The following DGKK variants were observed in gnomAD, a reference collection of about 807,000 sequenced individuals.
DGKK encodes diacylglycerol kinase kappa, also known as 142 kDa diacylglycerol kinase.
DGKK carries 35 observed loss-of-function variants against 92.2 expected under a neutral mutation model. The ratio of observed to expected loss-of-function variants is 0.38; its 90% CI spans 0.29 to 0.50. The LOEUF is 0.50. DGKK is among the 20% of genes least tolerant of loss of function. The probability of loss-of-function intolerance (pLI) is 0.92; values close to 1 mark genes in which losing one functional copy is unlikely to be tolerated. For synonymous variants in DGKK, 368 were observed against 360.6 expected, an observed-to-expected ratio of 1.02 and a Z score of -0.23; for missense variants, 910 against 992.2, an observed-to-expected ratio of 0.92 and a Z score of 1.11.
chrX:50,409,065 C>A (rs1480180078), intron 4 of DGKK, among the ~76,000 whole-genome samples: 3 of 111,178 alleles, frequency 2.7e-5, no homozygotes, highest in Non-Finnish European at 5.7e-5. Context: ...GAAGTAGGGT[C>A]TTTGAAGACA....
chrX:50,382,716 C>A, intron 17 of DGKK, 113 bp from the exon 18 acceptor site: 1 of 489,485 alleles, frequency 2.0e-6, no homozygotes, highest in Admixed American at 3.8e-5. Context: ...AGGCCCCCTC[C>A]ACACTGGGCA....
At chrX:50,405,582 A>G (rs868990215) in intron 4 of DGKK, among the ~76,000 whole-genome samples, 3 of 110,064 alleles carry the variant, frequency 2.7e-5, no homozygotes, top group African/African-American at 1.0e-4. Context: ...GCTCTAGCAC[A>G]TTAAGTATTC....
chrX:50,393,054 A>G (rs888241292), intron 9 of DGKK, 98 bp downstream of exon 9: 1 of 744,850 alleles, frequency 1.3e-6, no homozygotes, highest in Non-Finnish European at 1.9e-6. Flanking sequence ...TTCCTGCCCA[A>G]ATACAAGAAC....
chrX:50,433,269 A>T (rs1925933640), intron 1 of DGKK, among the ~76,000 whole-genome samples: 1 of 112,050 alleles, frequency 8.9e-6, no homozygotes, highest in African/African-American at 3.2e-5. Context: ...GAGTAATCTT[A>T]GATCTCCCTG....
chrX:50,423,830 G>A (rs781941622), intron 2 of DGKK, among the ~76,000 whole-genome samples: 3 of 111,798 alleles, frequency 2.7e-5, no homozygotes, highest in East Asian at 5.6e-4. Flanking sequence ...ATTTAAAATC[G>A]TATTTTTCTT....
At chrX:50,390,456 T>C in intron 11 of DGKK, 47 bp from the exon 12 acceptor site, 1 of 1,118,248 alleles carries the variant, frequency 8.9e-7, no homozygotes, top group Non-Finnish European at 1.2e-6. Flanking sequence ...GTTTCATGAC[T>C]GGTAAAAATT....
intron 1 of DGKK, among the ~76,000 whole-genome samples, chrX:50,435,205 G>A (rs1300877714): frequency 1.8e-5 from 2 of 112,628 alleles, no homozygotes; most frequent in Admixed American, 1.9e-4. Flanking sequence ...GCGCATGCCT[G>A]TATGTAACTT....
chrX:50,431,984 G>A (rs1925901758), intron 1 of DGKK, among the ~76,000 whole-genome samples: 1 of 111,847 alleles, frequency 8.9e-6, no homozygotes, highest in Admixed American at 9.4e-5. Flanking sequence ...GTGGATTGTG[G>A]AGCCAAGGGC....
intron 11 of DGKK, 93 bp downstream of exon 11, chrX:50,391,344 A>G (rs1396793219): frequency 2.8e-6 from 3 of 1,081,575 alleles, no homozygotes; most frequent in African/African-American, 3.7e-5. Context: ...ATGAGGCTCT[A>G]TCAATCAGAG....
At position 50,374,990 on chromosome X, in the gene DGKK, G is replaced by C; in HGVS notation, c.3482C>G (p.Ala1161Gly). The C allele has an allele frequency of 8.3e-7, 1 of 1,209,476 alleles. No individual in the cohort carries two copies. Among genetic ancestry groups the C allele is most frequent in the Non-Finnish European group, 1.1e-6 (1 of 893,925 alleles). ...ACTCACCAGCTTTTCATCCAGGAAA[G>C]CTGTGGTGTCATCGTAGAGACCTTT... ...SLKGLYDDTT[A>G]FLDEKLLRSA... The change falls in exon 25 of 28, where the codon GCT (alanine) becomes GGT (glycine). Residue 1161 changes from alanine to glycine, a missense_variant. Physicochemically the swap from Ala to Gly is moderately conservative, Grantham distance 60 (BLOSUM62 0). Coordinates refer to ENST00000611977, the MANE Select transcript of DGKK (RefSeq NM_001013742.4).
Position 50,371,841 on chromosome X carries a change from C to A in DGKK, c.3502-7G>T. On this transcript the variant is annotated splice_polypyrimidine_tract_variant and splice_region_variant and intron_variant, in intron 25 of 27. Transcript: ENST00000611977. ...CATCCTCAGCACTTCTCAGCTGGTA[C>A]AGACAGGAAAAAGAGTAAGTGTCCA... The A allele has an allele frequency of 8.7e-7, 1 of 1,146,268 alleles. No individual in the cohort carries two copies. Among genetic ancestry groups the A allele is most frequent in the Non-Finnish European group, 1.2e-6 (1 of 840,734 alleles). The allele number at this position is 1,146,268 out of a possible 1,213,427, so 94.5% of individuals were successfully genotyped here. A position where few individuals can be genotyped will look rare whatever the true frequency, so the allele number is the denominator to read the frequency against.
At chrX:50,462,972 G>A (rs1336533551) in intron 1 of DGKK, among the ~76,000 whole-genome samples, 17 of 82,010 alleles carry the variant, frequency 2.1e-4, no homozygotes, top group Non-Finnish European at 3.9e-4. Context: ...GGTGAGATTG[G>A]GTACATACCC....
chrX:50,461,093 T>C (rs59467665), intron 1 of DGKK, among the ~76,000 whole-genome samples: 6,583 of 111,727 alleles, frequency 0.059, 471 homozygotes, highest in African/African-American at 0.2. Flanking sequence ...TCAAACTGCA[T>C]TTGTATATGG....
chrX:50,410,711 TA>T (rs1557227836), intron 4 of DGKK, among the ~76,000 whole-genome samples: 1 of 111,148 alleles, frequency 9.0e-6, no homozygotes, highest in Non-Finnish European at 1.9e-5. Flanking sequence ...ATGGTAAGAG[TA>T]ATGGTTCTCT....
chrX:50,408,451 T>C (rs1181717831), intron 4 of DGKK, among the ~76,000 whole-genome samples: 5 of 111,719 alleles, frequency 4.5e-5, no homozygotes, highest in African/African-American at 1.6e-4. Flanking sequence ...CGATCTCGGC[T>C]CACTGCAAGC....
intron 7 of DGKK, among the ~76,000 whole-genome samples, chrX:50,401,453 T>C (rs1258614604): frequency 9.0e-6 from 1 of 111,204 alleles, no homozygotes; most frequent in Non-Finnish European, 1.9e-5. Flanking sequence ...GGAACTTACA[T>C]GCAGTATAAA....
intron 3 of DGKK, 117 bp downstream of exon 3, chrX:50,422,329 G>T: frequency 2.0e-6 from 1 of 511,459 alleles, no homozygotes; most frequent in Non-Finnish European, 3.1e-6. Flanking sequence ...ATAACACTTT[G>T]GGATCAAAGG....
At chrX:50,435,311 A>G (rs1197502430) in intron 1 of DGKK, among the ~76,000 whole-genome samples, 6 of 111,862 alleles carry the variant, frequency 5.4e-5, no homozygotes, top group African/African-American at 2.0e-4. Flanking sequence ...CTTTCCATTC[A>G]TGGCTTTAAA....
At position 50,403,094 on chromosome X, in the gene DGKK, A is replaced by G; in HGVS notation, c.1275T>C (p.Leu425=). 1 of 1,210,771 alleles carries G rather than the reference A, an allele frequency of 8.3e-7. No individual in the cohort carries two copies. The highest frequency in any genetic ancestry group is 3.0e-5 in the East Asian group (1 of 33,847). Residue 425 remains leucine (L), a synonymous_variant, in exon 7 of 28, where the codon CTT becomes CTC. Coordinates refer to ENST00000611977, the MANE Select transcript of DGKK (RefSeq NM_001013742.4). ...TACACCACAGGCAGCGGAAGTCTTG[A>G]AGTCTTTGATAACTGCCACAGCTCT... ...CHESCGSYQR[L]QDFRCLWCNS...
Sources: allele counts gnomAD v4.1 joint callset (sites outside exome capture counted in the v4.1 genomes callset), GRCh38; gene constraint gnomAD v4.1.1; transcripts MANE v1.5; gene names NCBI Gene and HGNC (gene_info 2026-07-23, HGNC 2026-07-21).